The following KCNN3 variants were observed in gnomAD, a reference collection of about 807,000 sequenced individuals.
KCNN3 encodes the protein small conductance calcium-activated potassium channel protein 3.
In KCNN3, 16 loss-of-function variants were observed where a neutral mutation model predicts 62.9. The observed-to-expected ratio is 0.25, with a 90% confidence interval of 0.17 to 0.39. KCNN3 has a LOEUF of 0.39. Among genes scored for constraint, KCNN3 ranks in the 10% least tolerant of loss-of-function variants. The probability of loss-of-function intolerance (pLI) is 1.00; values close to 1 mark genes in which losing one functional copy is unlikely to be tolerated. For synonymous variants in KCNN3, 370 were observed against 389.2 expected, an observed-to-expected ratio of 0.95 and a Z score of 0.58; for missense variants, 599 against 949.4, an observed-to-expected ratio of 0.63 and a Z score of 4.85.
chr1:154,836,294 G>A (rs1458610776), intron 1 of KCNN3, among the ~76,000 whole-genome samples: 1 of 152,184 alleles, frequency 6.6e-6, no homozygotes, highest in Non-Finnish European at 1.5e-5. Context: ...GTTGTAATAG[G>A]AGGAGCCAGA....
chr1:154,829,099 T>A (rs1290327302), intron 1 of KCNN3, among the ~76,000 whole-genome samples: 1 of 152,204 alleles, frequency 6.6e-6, no homozygotes, highest in Non-Finnish European at 1.5e-5. Flanking sequence ...CTCTGCACCA[T>A]CATCGCCCCG....
chr1:154,801,643 G>T (rs1000736251), intron 2 of KCNN3, among the ~76,000 whole-genome samples: 1 of 152,148 alleles, frequency 6.6e-6, no homozygotes. Flanking sequence ...TGCAACTTTT[G>T]CCACTTATTT....
chr1:154,724,847 A>G (rs1326949013), intron 5 of KCNN3, among the ~76,000 whole-genome samples: 2 of 151,278 alleles, frequency 1.3e-5, no homozygotes, highest in African/African-American at 2.4e-5. Context: ...TGTGGGCTCT[A>G]CTAGAATGAT....
intron 3 of KCNN3, among the ~76,000 whole-genome samples, chr1:154,757,448 A>G (rs549936243): frequency 6.6e-6 from 1 of 152,304 alleles, no homozygotes; most frequent in East Asian, 1.9e-4. Context: ...TGCAGGATTC[A>G]GGCTAAACAA....
chr1:154,795,957 A>G (rs1195975015), intron 2 of KCNN3, among the ~76,000 whole-genome samples: 1 of 152,220 alleles, frequency 6.6e-6, no homozygotes, highest in Non-Finnish European at 1.5e-5. Context: ...CTGTATTCTA[A>G]GGACAAGGAG....
intron 2 of KCNN3, among the ~76,000 whole-genome samples, chr1:154,792,751 G>A (rs1256506455): frequency 2.0e-5 from 3 of 152,178 alleles, no homozygotes; most frequent in Admixed American, 6.5e-5. Context: ...TCATGTGGGA[G>A]AGAATGCCCA....
At chr1:154,754,465 C>G (rs189183150) in intron 3 of KCNN3, among the ~76,000 whole-genome samples, 142 of 152,248 alleles carry the variant, frequency 9.3e-4, no homozygotes, top group African/African-American at 3.2e-3. Context: ...CAGGAAGGAG[C>G]AATGATTACC....
intron 3 of KCNN3, among the ~76,000 whole-genome samples, chr1:154,760,666 C>A (rs112842218): frequency 6.6e-6 from 1 of 152,216 alleles, no homozygotes; most frequent in Non-Finnish European, 1.5e-5. Context: ...CGCGCGGGAA[C>A]CACCCGCGGA....
intron 1 of KCNN3, among the ~76,000 whole-genome samples, chr1:154,826,592 C>T (rs1048421732): frequency 2.6e-5 from 4 of 151,676 alleles, no homozygotes; most frequent in South Asian, 2.1e-4. Context: ...CTGGCGGCCA[C>T]GCCTTGCTGG....
chr1:154,783,852 G>A (rs559690437), intron 2 of KCNN3, among the ~76,000 whole-genome samples: 9 of 152,278 alleles, frequency 5.9e-5, no homozygotes, highest in African/African-American at 2.2e-4. Flanking sequence ...TATCTGTTGT[G>A]CCACCACCAC....
chr1:154,725,437 G>A (rs1700440540), intron 5 of KCNN3, among the ~76,000 whole-genome samples: 1 of 152,156 alleles, frequency 6.6e-6, no homozygotes, highest in Non-Finnish European at 1.5e-5. Flanking sequence ...CAGGAACCCG[G>A]CGTATGAAGG....
chr1:154,822,862 G>T (rs930083921), intron 1 of KCNN3, among the ~76,000 whole-genome samples: 1 of 152,184 alleles, frequency 6.6e-6, no homozygotes, highest in Non-Finnish European at 1.5e-5. Flanking sequence ...GGCCTCCACT[G>T]CAGCCTTTCA....
At chr1:154,745,273 G>A (rs1337918756) in intron 3 of KCNN3, among the ~76,000 whole-genome samples, 1 of 152,142 alleles carries the variant, frequency 6.6e-6, no homozygotes, top group East Asian at 1.9e-4. Flanking sequence ...TTTTTAAAAG[G>A]AGAGAAAACC....
intron 2 of KCNN3, among the ~76,000 whole-genome samples, chr1:154,778,694 C>A (rs763622226): frequency 6.6e-6 from 1 of 150,436 alleles, no homozygotes; most frequent in African/African-American, 2.5e-5. Context: ...ATCTGCCTCC[C>A]GGGTTCAAGC....
chr1:154,726,399 G>A (rs1232971648), intron 4 of KCNN3, among the ~76,000 whole-genome samples: 2 of 152,194 alleles, frequency 1.3e-5, no homozygotes, highest in Admixed American at 6.5e-5. Flanking sequence ...CAGCACACAC[G>A]GGCCCTCTCT....
intron 1 of KCNN3, among the ~76,000 whole-genome samples, chr1:154,839,476 G>A (rs1651736463): frequency 6.6e-6 from 1 of 152,228 alleles, no homozygotes; most frequent in African/African-American, 2.4e-5. Context: ...CCAGCTGATA[G>A]GGAGGAAAGG....
At chr1:154,762,857 T>C (rs1291973263) in intron 3 of KCNN3, among the ~76,000 whole-genome samples, 1 of 152,204 alleles carries the variant, frequency 6.6e-6, no homozygotes, top group East Asian at 1.9e-4. Context: ...GGTTCCAATT[T>C]GATTTTTCAT....
Position 154,708,171 on chromosome 1 carries a change from G to T in KCNN3, c.2001C>A (p.Thr667=). 1 of 1,613,766 alleles carries T rather than the reference G, an allele frequency of 6.2e-7. No individual in the cohort carries two copies. Among genetic ancestry groups the T allele is most frequent in the South Asian group, 1.1e-5 (1 of 91,060 alleles). ...GSLESKLEHL[T]ASFNSLPLLI... is the part of the protein sequence containing the mutation. ...GCAGCGGCAGGGAGTTGAAGCTGGC[G>T]GTGAGATGCTCCAGCTTCGACTCCA... is the stretch of plus-strand genomic sequence containing the variant. The change falls in exon 8 of 8, where the codon ACC becomes ACA. Residue 667 remains threonine (T), a synonymous_variant. Coordinates refer to ENST00000271915, the MANE Select transcript of KCNN3 (RefSeq NM_002249.6).
At chr1:154,733,211 C>G in intron 3 of KCNN3, 67 bp from the exon 4 acceptor site, 1 of 1,522,944 alleles carries the variant, frequency 6.6e-7, no homozygotes, top group Non-Finnish European at 9.1e-7. Context: ...TGTGGGCAAA[C>G]CTAGAGCGGG....
Sources: gnomAD v4.1 joint callset for allele counts (sites outside exome capture counted in the v4.1 genomes callset) on GRCh38, gnomAD v4.1.1 for gene constraint, MANE v1.5 for transcripts, NCBI Gene and HGNC (gene_info 2026-07-23, HGNC 2026-07-21) for gene names.